Variants in MALT1 observed in about 807,000 individuals in gnomAD.
The protein encoded by MALT1 is MALT1 paracaspase.
A neutral mutation model predicts 85.5 loss-of-function variants in MALT1; 36 were observed. The ratio of observed to expected loss-of-function variants is 0.42; its 90% CI spans 0.32 to 0.56. The LOEUF is 0.56. Among genes scored for constraint, MALT1 ranks in the 20% least tolerant of loss-of-function variants. The probability of loss-of-function intolerance (pLI) is 0.10; values close to 1 mark genes in which losing one functional copy is unlikely to be tolerated. For missense variants in MALT1, 716 were observed against 981.6 expected (o/e 0.73, Z 3.62); for synonymous variants, 359 against 361.3 (o/e 0.99, Z 0.07).
Position 58,671,718 on chromosome 18 carries a change from G to A in MALT1, c.75G>A (p.Pro25=), listed in dbSNP as rs1403424764. 4.7e-6 allele frequency: 6 copies of A among 1,279,102 alleles called. No individual in the cohort carries two copies. The highest frequency in any genetic ancestry group is 3.7e-5 in the Admixed American group (1 of 26,864). 79.2% of individuals were successfully genotyped at this position (1,279,102 alleles called of 1,614,324 possible). A position where few individuals can be genotyped will look rare whatever the true frequency, so the allele number is the denominator to read the frequency against. Reference sequence around the variant, plus strand: ...CCACGGGGCCGCTGCTCGCCCCTCCGGCCGGCGCGACCCTCAACCGCCTGC... The same window carrying A: ...CCACGGGGCCGCTGCTCGCCCCTCCAGCCGGCGCGACCCTCAACCGCCTGC... The part of the protein sequence containing the change: ...AAPTGPLLAP[P]AGATLNRLRE... The change falls in exon 1 of 17, where the codon CCG becomes CCA. Residue 25 remains proline, a synonymous_variant. Transcript: ENST00000649217.
At chr18:58,746,729 GT>G (rs79360243) in intron 16 of MALT1, among the ~76,000 whole-genome samples, 25,376 of 146,658 alleles carry the variant, frequency 0.17, 2,566 homozygotes, top group East Asian at 0.29. Context: ...ATAAAACCAG[GT>G]TTTTTTTTTT....
intron 1 of MALT1, among the ~76,000 whole-genome samples, chr18:58,675,674 G>T (rs915804831): frequency 6.6e-6 from 1 of 152,202 alleles, no homozygotes; most frequent in African/African-American, 2.4e-5. Flanking sequence ...GGTCGACAGA[G>T]AAGACCTTGT....
chr18:58,695,089 G>C (rs543759153), intron 2 of MALT1, among the ~76,000 whole-genome samples: 1 of 152,114 alleles, frequency 6.6e-6, no homozygotes, highest in African/African-American at 2.4e-5. Context: ...TTCCCTGCCC[G>C]CACCTTCTTC....
chr18:58,733,258 T>C, intron 10 of MALT1, 139 bp from the exon 11 acceptor site: 3 of 589,872 alleles, frequency 5.1e-6, no homozygotes, highest in Non-Finnish European at 6.0e-6. Context: ...ATATTTATAA[T>C]TGGGTATTTC....
chr18:58,694,503 G>A (rs139036854), intron 2 of MALT1, among the ~76,000 whole-genome samples: 114 of 152,266 alleles, frequency 7.5e-4, no homozygotes, highest in African/African-American at 2.6e-3. Flanking sequence ...AAAAGTAGGT[G>A]CAGGAAATTA....
intron 9 of MALT1, among the ~76,000 whole-genome samples, chr18:58,719,976 A>T (rs2054961530): frequency 6.6e-6 from 1 of 152,236 alleles, no homozygotes; most frequent in African/African-American, 2.4e-5. Context: ...GTAACATAAT[A>T]ATCAGAATTA....
chr18:58,717,112 A>C (rs1328005216), intron 9 of MALT1, among the ~76,000 whole-genome samples: 1 of 152,228 alleles, frequency 6.6e-6, no homozygotes, highest in Non-Finnish European at 1.5e-5. Flanking sequence ...CTGTAGTCCC[A>C]GCACTTTGTG....
intron 13 of MALT1, among the ~76,000 whole-genome samples, chr18:58,738,216 T>C (rs900041570): frequency 2.6e-5 from 4 of 152,226 alleles, no homozygotes; most frequent in African/African-American, 9.6e-5. Flanking sequence ...CGTAGTTTTG[T>C]TTTTAACTTC....
chr18:58,703,331 T>C (rs1442964431), intron 4 of MALT1, among the ~76,000 whole-genome samples: 2 of 152,074 alleles, frequency 1.3e-5, no homozygotes, highest in East Asian at 3.8e-4. Flanking sequence ...CACTCCAGCC[T>C]GGGTGACAGA....
intron 2 of MALT1, among the ~76,000 whole-genome samples, chr18:58,688,465 A>T (rs1278720441): frequency 7.1e-6 from 1 of 140,746 alleles, no homozygotes; most frequent in Non-Finnish European, 1.5e-5. Flanking sequence ...ATGTAGGAGG[A>T]TCTCTTGAGG....
chr18:58,709,665 GT>G, intron 5 of MALT1, 109 bp downstream of exon 5: 1 of 943,582 alleles, frequency 1.1e-6, no homozygotes, highest in Non-Finnish European at 1.5e-6. Flanking sequence ...ATGTTTTAAT[GT>G]TTTCAGTATT....
At chr18:58,695,159 C>T (rs1009628638) in intron 2 of MALT1, among the ~76,000 whole-genome samples, 1 of 152,202 alleles carries the variant, frequency 6.6e-6, no homozygotes, top group Non-Finnish European at 1.5e-5. Flanking sequence ...TGTGAGTCCT[C>T]CCTAGCCACG....
intron 13 of MALT1, among the ~76,000 whole-genome samples, chr18:58,735,858 C>T (rs2055215152): frequency 6.6e-6 from 1 of 152,112 alleles, no homozygotes; most frequent in African/African-American, 2.4e-5. Context: ...GGTCTAATGC[C>T]ACATCTTCCA....
chr18:58,673,284 G>T (rs1394749827), intron 1 of MALT1, among the ~76,000 whole-genome samples: 1 of 152,170 alleles, frequency 6.6e-6, no homozygotes, highest in Non-Finnish European at 1.5e-5. Flanking sequence ...GTTTATCCAG[G>T]AATGGACTAT....
At chr18:58,734,441 T>C (rs2055197387) in intron 12 of MALT1, 60 bp downstream of exon 12, 5 of 1,396,212 alleles carry the variant, frequency 3.6e-6, no homozygotes, top group East Asian at 4.6e-5. Context: ...TTTTTGTTTT[T>C]GCTTTTTAGG....
chr18:58,693,705 GT>G (rs1388554188), intron 2 of MALT1, among the ~76,000 whole-genome samples: 1 of 152,196 alleles, frequency 6.6e-6, no homozygotes, highest in Non-Finnish European at 1.5e-5. Flanking sequence ...CAGATGGATG[GT>G]GGTAGGCAGT....
At chr18:58,728,486 T>G (rs938104079) in intron 10 of MALT1, among the ~76,000 whole-genome samples, 8 of 151,984 alleles carry the variant, frequency 5.3e-5, no homozygotes, top group Non-Finnish European at 1.0e-4. Flanking sequence ...ATGCCTGTGG[T>G]CCCAGCTACT....
At chr18:58,686,635 CA>C in intron 2 of MALT1, among the ~76,000 whole-genome samples, 1 of 152,274 alleles carries the variant, frequency 6.6e-6, no homozygotes, top group Non-Finnish European at 1.5e-5. Context: ...GGTCATGTGC[CA>C]TCTTTTCAGT....
At chr18:58,733,795 G>T in intron 11 of MALT1, 1 of 826,276 alleles carries the variant, frequency 1.2e-6, no homozygotes, top group Non-Finnish European at 1.7e-6. Context: ...GAACTAAAGG[G>T]CATGGGCATT....
Sources: gnomAD v4.1 joint callset for allele counts (sites outside exome capture counted in the v4.1 genomes callset) on GRCh38, gnomAD v4.1.1 for gene constraint, MANE v1.5 for transcripts, NCBI Gene and HGNC (gene_info 2026-07-23, HGNC 2026-07-21) for gene names.